Variants in NUMB observed in about 807,000 individuals in gnomAD.
NUMB encodes NUMB endocytic adaptor protein.
A neutral mutation model predicts 59.7 loss-of-function variants in NUMB; 29 were observed. The observed-to-expected ratio is 0.49, with a 90% CI of 0.36 to 0.66. The LOEUF (loss-of-function observed/expected upper bound fraction) is 0.66, where lower values mean the gene tolerates loss of function less well. Ranked by LOEUF, NUMB falls within the 30% of genes least tolerant of loss-of-function variation. The pLI is 0.00. For missense variants in NUMB, 723 were observed against 822.0 expected, an observed-to-expected ratio of 0.88 and a Z score of 1.47; for synonymous variants, 288 against 288.2, an observed-to-expected ratio of 1.00 and a Z score of 0.01.
intron 1 of NUMB, among the ~76,000 whole-genome samples, chr14:73,447,431 T>C (rs1351326614): frequency 6.6e-6 from 1 of 151,918 alleles, no homozygotes; most frequent in Non-Finnish European, 1.5e-5. Context: ...GAGGTTGCCA[T>C]GAGCCGAGAT....
At chr14:73,397,656 CTTAA>C (rs1896200719) in intron 2 of NUMB, among the ~76,000 whole-genome samples, 1 of 152,134 alleles carries the variant, frequency 6.6e-6, no homozygotes, top group South Asian at 2.1e-4. Context: ...CCTGTATTTT[CTTAA>C]TTGTTTTATG....
At chr14:73,455,087 C>A (rs1029229376) in intron 1 of NUMB, among the ~76,000 whole-genome samples, 3 of 152,070 alleles carry the variant, frequency 2.0e-5, no homozygotes, top group African/African-American at 7.2e-5. Context: ...ATATGCCTTG[C>A]AGTCTTCCAA....
chr14:73,296,107 G>GT, intron 7 of NUMB, among the ~76,000 whole-genome samples: 1 of 147,844 alleles, frequency 6.8e-6, no homozygotes, highest in Admixed American at 6.7e-5. Context: ...ATCATCTATT[G>GT]TATCAAATTT....
At chr14:73,351,676 C>T (rs1221044583) in intron 4 of NUMB, among the ~76,000 whole-genome samples, 2 of 151,758 alleles carry the variant, frequency 1.3e-5, no homozygotes, top group African/African-American at 4.8e-5. Context: ...GAACTGTACA[C>T]TTAAAAATGC....
At chr14:73,343,460 C>G (rs1209007145) in intron 4 of NUMB, among the ~76,000 whole-genome samples, 1 of 152,176 alleles carries the variant, frequency 6.6e-6, no homozygotes, top group African/African-American at 2.4e-5. Flanking sequence ...ACATGACAGG[C>G]ATTCTTTCAA....
chr14:73,383,276 A>G (rs1310350359), intron 2 of NUMB, among the ~76,000 whole-genome samples: 1 of 152,250 alleles, frequency 6.6e-6, no homozygotes, highest in Non-Finnish European at 1.5e-5. Flanking sequence ...GAATTTCACC[A>G]GAGAACTGGA....
At chr14:73,364,082 C>T (rs1224768198) in intron 3 of NUMB, among the ~76,000 whole-genome samples, 1 of 152,164 alleles carries the variant, frequency 6.6e-6, no homozygotes, top group Non-Finnish European at 1.5e-5. Flanking sequence ...AGGAGGAAAA[C>T]TATGTGATCA....
At chr14:73,302,652 T>A (rs1223889950) in intron 6 of NUMB, among the ~76,000 whole-genome samples, 1 of 151,970 alleles carries the variant, frequency 6.6e-6, no homozygotes, top group East Asian at 1.9e-4. Flanking sequence ...CCTCAGGTGA[T>A]CCGCCCACTT....
Position 73,443,456 on chromosome 14 carries a change from G to A in NUMB, c.-233+15037C>T, listed in dbSNP as rs377027519. Among the ~76,000 whole-genome samples, 16 of 151,880 alleles carry A rather than the reference G, an allele frequency of 1.1e-4. No individual in the cohort carries two copies. The South Asian group carries it at 2.1e-3, about 20-fold the overall frequency. On this transcript the variant is annotated intron_variant, in intron 1 of 12. Coordinates refer to ENST00000555238, the MANE Select transcript of NUMB (RefSeq NM_001005743.2). ...ACTAAAATTACAAAATTAGCCAGGC[G>A]TGGTGGCGCACGCCTGTAATCCCAG...
At chr14:73,335,299 A>G (rs1189369347) in intron 4 of NUMB, among the ~76,000 whole-genome samples, 1 of 109,952 alleles carries the variant, frequency 9.1e-6, no homozygotes, top group Non-Finnish European at 1.9e-5. Context: ...CCAGCCAAAA[A>G]GACAAAAAAA....
intron 6 of NUMB, chr14:73,299,022 A>G (rs1023417370): frequency 2.0e-5 from 3 of 152,250 alleles, no homozygotes; most frequent in Admixed American, 6.5e-5. Flanking sequence ...AGAAGACTGA[A>G]CTGGGTGCTG....
intron 4 of NUMB, among the ~76,000 whole-genome samples, chr14:73,354,510 CAAAA>C (rs780721035): frequency 1.3e-5 from 1 of 78,072 alleles, no homozygotes; most frequent in Admixed American, 1.6e-4. Context: ...GACTCCATCT[CAAAA>C]AAAAAAAAAA....
In NUMB at chr14:73,275,648, AAAT is replaced by A. The variant is rs1356834821; in HGVS notation, c.*927_*929del. 2 of 152,234 alleles carry A rather than the reference AAAT, an allele frequency of 1.3e-5. No individual in the cohort carries two copies. Among genetic ancestry groups the A allele is most frequent in the African/African-American group, 2.4e-5 (1 of 41,454 alleles). The allele number at this position is 152,234 out of a possible 1,614,324, so 9.4% of individuals were successfully genotyped here. A position where few individuals can be genotyped will look rare whatever the true frequency, so the allele number is the denominator to read the frequency against. ...GAGCATATTTCGATTGATTCCATTA[AAAT>A]AATGACATTAGAATTCCATCATAGG... On this transcript the variant is annotated 3_prime_UTR_variant, in exon 13 of 13. Coordinates refer to ENST00000555238, the MANE Select transcript of NUMB (RefSeq NM_001005743.2).
At chr14:73,355,851 C>A in intron 3 of NUMB, 85 bp from the exon 4 acceptor site, 1 of 996,436 alleles carries the variant, frequency 1.0e-6, no homozygotes, top group South Asian at 1.7e-5. Flanking sequence ...AACCAAAAAT[C>A]TGATGTCCAA....
At chr14:73,405,604 C>G (rs1207438202) in intron 2 of NUMB, among the ~76,000 whole-genome samples, 1 of 151,862 alleles carries the variant, frequency 6.6e-6, no homozygotes, top group Admixed American at 6.6e-5. Context: ...TGCTCAGCAG[C>G]TTGGGAAAAC....
At chr14:73,366,731 T>C (rs1400475230) in intron 3 of NUMB, among the ~76,000 whole-genome samples, 166 bp downstream of exon 3, 2 of 152,226 alleles carry the variant, frequency 1.3e-5, no homozygotes, top group African/African-American at 2.4e-5. Context: ...TGAAAAGATA[T>C]GTGAAATTAT....
At chr14:73,384,889 ATTTTTTT>A (rs143582593) in intron 2 of NUMB, among the ~76,000 whole-genome samples, 100 of 114,452 alleles carry the variant, frequency 8.7e-4, no homozygotes, top group African/African-American at 3.2e-3. Context: ...AATAACTGTA[ATTTTTTT>A]TTTTTTTTTT....
intron 4 of NUMB, among the ~76,000 whole-genome samples, chr14:73,345,475 C>G (rs1351178150): frequency 6.6e-6 from 1 of 152,088 alleles, no homozygotes; most frequent in Non-Finnish European, 1.5e-5. Context: ...CACATGTACT[C>G]CTGACTCTAA....
intron 6 of NUMB, among the ~76,000 whole-genome samples, chr14:73,309,612 G>T (rs1402858320): frequency 6.6e-6 from 1 of 151,736 alleles, no homozygotes; most frequent in Non-Finnish European, 1.5e-5. Flanking sequence ...CACATGCGGG[G>T]TTTAAAACCT....
Sources: gnomAD v4.1 joint callset for allele counts (sites outside exome capture counted in the v4.1 genomes callset) on GRCh38, gnomAD v4.1.1 for gene constraint, MANE v1.5 for transcripts, NCBI Gene and HGNC (gene_info 2026-07-23, HGNC 2026-07-21) for gene names.